CCSER1: variants seen among roughly 807,000 people sequenced by gnomAD.
CCSER1 encodes serine-rich coiled-coil domain-containing protein 1.
In CCSER1, 41 loss-of-function variants were observed where a neutral mutation model predicts 82.0. That is an observed-to-expected ratio of 0.50 (90% confidence interval 0.39 to 0.65). The LOEUF (loss-of-function observed/expected upper bound fraction) is 0.65, where lower values mean the gene tolerates loss of function less well. CCSER1 is among the 30% of genes least tolerant of loss of function. CCSER1 has a pLI of 0.00. For synonymous variants in CCSER1, 414 were observed against 383.9 expected (o/e 1.08, Z -0.92); for missense variants, 1,119 against 1,064.2 (o/e 1.05, Z -0.72).
chr4:90,323,035 C>A (rs2153488609), intron 3 of CCSER1, among the ~76,000 whole-genome samples: 1 of 152,342 alleles, frequency 6.6e-6, no homozygotes, highest in African/African-American at 2.4e-5. Context: ...CTAGCCCAGG[C>A]TGGGTCTAGA....
At chr4:91,471,227 T>C (rs1757255396) in intron 10 of CCSER1, among the ~76,000 whole-genome samples, 1 of 152,176 alleles carries the variant, frequency 6.6e-6, no homozygotes, top group African/African-American at 2.4e-5. Context: ...AGAGAAGACT[T>C]TCAGTAGCCT....
intron 1 of CCSER1, among the ~76,000 whole-genome samples, chr4:90,288,809 A>G (rs1375284677): frequency 2.0e-5 from 3 of 151,848 alleles, no homozygotes; most frequent in South Asian, 2.1e-4. Flanking sequence ...TTCTTTCACA[A>G]TCTCCCACTT....
chr4:91,314,089 A>G (rs1256118558), intron 10 of CCSER1, among the ~76,000 whole-genome samples: 2 of 151,940 alleles, frequency 1.3e-5, no homozygotes, highest in African/African-American at 2.4e-5. Flanking sequence ...TCTCTTTCCT[A>G]TTCCATAAAT....
chr4:90,304,249 A>G (rs1464533867), intron 1 of CCSER1, among the ~76,000 whole-genome samples: 2 of 152,260 alleles, frequency 1.3e-5, no homozygotes, highest in Non-Finnish European at 2.9e-5. Context: ...GCGATTCCTC[A>G]GGGATCTAGA....
chr4:91,163,023 T>G (rs992356540), intron 10 of CCSER1, among the ~76,000 whole-genome samples: 156 of 152,350 alleles, frequency 1.0e-3, no homozygotes, highest in South Asian at 1.2e-3. Context: ...ATTGTGATGT[T>G]AGGCTGTCAA....
chr4:91,131,074 T>C (rs540354177), intron 10 of CCSER1, among the ~76,000 whole-genome samples: 10 of 151,922 alleles, frequency 6.6e-5, no homozygotes, highest in Non-Finnish European at 4.4e-5. Context: ...GATCTCAATA[T>C]GTATACACAG....
chr4:91,467,054 C>A (rs1407836693), intron 10 of CCSER1, among the ~76,000 whole-genome samples: 2 of 152,142 alleles, frequency 1.3e-5, no homozygotes, highest in East Asian at 3.8e-4. Context: ...CCAAGACAAT[C>A]CTAAGCCAAA....
chr4:91,518,164 T>TC (rs1481036525), intron 10 of CCSER1, among the ~76,000 whole-genome samples: 1 of 152,134 alleles, frequency 6.6e-6, no homozygotes, highest in Non-Finnish European at 1.5e-5. Context: ...TTATGTTTCC[T>TC]CCCCAGCTTG....
intron 4 of CCSER1, among the ~76,000 whole-genome samples, chr4:90,424,923 G>A (rs546338896): frequency 6.6e-6 from 1 of 152,164 alleles, no homozygotes; most frequent in African/African-American, 2.4e-5. Flanking sequence ...TTTGAAACCA[G>A]GTGTCACTAG....
chr4:90,267,566 A>G (rs181283289), intron 1 of CCSER1, among the ~76,000 whole-genome samples: 66 of 152,308 alleles, frequency 4.3e-4, no homozygotes, highest in African/African-American at 1.2e-3. Context: ...GGTCTGACCC[A>G]GCATAGTCCC....
rs574562117 is a variant in CCSER1, at chr4:90,835,903, G to C, written c.2094+20058G>C. On this transcript the variant is annotated intron_variant, in intron 8 of 10. Transcript: ENST00000509176. ...CACAAGGTCTGGGGCATAATACTGC[G>C]TGTTTGCTCATTTCCAGTGACTCTA... is the stretch of plus-strand genomic sequence containing the variant. 7.3e-4 allele frequency among the ~76,000 whole-genome samples: 111 copies of C among 152,274 alleles called. 3 individuals carry two copies. The highest frequency in any genetic ancestry group is 3.7e-4 in the Non-Finnish European group (25 of 68,024).
chr4:91,247,762 G>A (rs1006203264), intron 10 of CCSER1, among the ~76,000 whole-genome samples: 2 of 152,110 alleles, frequency 1.3e-5, no homozygotes, highest in African/African-American at 4.8e-5. Context: ...CCAGCTACTT[G>A]GGAGCTGAGA....
intron 5 of CCSER1, among the ~76,000 whole-genome samples, chr4:90,530,393 A>G (rs1774356393): frequency 6.6e-6 from 1 of 152,158 alleles, no homozygotes; most frequent in Admixed American, 6.5e-5. Context: ...CAGTCACAAG[A>G]AGGAATTCAA....
At chr4:90,153,788 T>A (rs1462868520) in intron 1 of CCSER1, among the ~76,000 whole-genome samples, 3 of 152,246 alleles carry the variant, frequency 2.0e-5, no homozygotes, top group Non-Finnish European at 2.9e-5. Flanking sequence ...ATTAGCCGTT[T>A]GTCAGATGAG....
At chr4:90,880,238 CT>C (rs1487171237) in intron 8 of CCSER1, among the ~76,000 whole-genome samples, 4 of 152,174 alleles carry the variant, frequency 2.6e-5, no homozygotes, top group Admixed American at 6.5e-5. Context: ...CCTTATGTTT[CT>C]TCCCCAACCT....
chr4:90,689,158 A>G (rs1433409919), intron 6 of CCSER1, among the ~76,000 whole-genome samples: 3 of 152,164 alleles, frequency 2.0e-5, no homozygotes, highest in Non-Finnish European at 4.4e-5. Flanking sequence ...TATGAGTTCA[A>G]ACTTGAAGAC....
At chr4:90,759,584 C>T (rs1036509926) in intron 7 of CCSER1, among the ~76,000 whole-genome samples, 2 of 152,142 alleles carry the variant, frequency 1.3e-5, no homozygotes, top group African/African-American at 4.8e-5. Flanking sequence ...TGGCCAATTT[C>T]AAGCTACCAA....
intron 10 of CCSER1, among the ~76,000 whole-genome samples, chr4:91,185,034 G>A (rs1734393394): frequency 6.6e-6 from 1 of 152,164 alleles, no homozygotes; most frequent in Non-Finnish European, 1.5e-5. Context: ...GTTAAATTGA[G>A]CAGGTTGAAT....
chr4:90,963,604 C>T (rs1376545013), intron 9 of CCSER1, among the ~76,000 whole-genome samples: 2 of 151,904 alleles, frequency 1.3e-5, no homozygotes, highest in South Asian at 2.1e-4. Flanking sequence ...AAACATGCAC[C>T]GAGAAAAGGC....
Sources: gnomAD v4.1 joint callset for allele counts (sites outside exome capture counted in the v4.1 genomes callset) on GRCh38, gnomAD v4.1.1 for gene constraint, MANE v1.5 for transcripts, NCBI Gene and HGNC (gene_info 2026-07-23, HGNC 2026-07-21) for gene names.